The following ATP5MC2 variants were observed in gnomAD, a reference collection of about 807,000 sequenced individuals.
ATP5MC2 encodes the protein ATP synthase F(0) complex subunit C2, mitochondrial.
A neutral mutation model predicts 13.5 loss-of-function variants in ATP5MC2; 11 were observed. The observed-to-expected ratio is 0.81, with a 90% CI of 0.51 to 1.35. The LOEUF (loss-of-function observed/expected upper bound fraction) is 1.35, where lower values mean the gene tolerates loss of function less well. Ranked by LOEUF, ATP5MC2 falls within the 40% of genes most tolerant of loss-of-function variation. The pLI is 0.00. For missense variants in ATP5MC2, 132 were observed against 175.0 expected, an observed-to-expected ratio of 0.75 and a Z score of 1.39; for synonymous variants, 64 against 69.7, an observed-to-expected ratio of 0.92 and a Z score of 0.41.
upstream of ATP5MC2, among the ~76,000 whole-genome samples, chr12:53,681,301 G>C (rs1401245598): frequency 6.6e-6 from 1 of 151,600 alleles, no homozygotes; most frequent in African/African-American, 2.4e-5. Context: ...CAAGGCAGGA[G>C]GATCATTTGA....
At chr12:53,668,367 G>A (rs1488349825) in intron 4 of ATP5MC2, among the ~76,000 whole-genome samples, 1 of 150,036 alleles carries the variant, frequency 6.7e-6, no homozygotes, top group African/African-American at 2.5e-5. Flanking sequence ...CATGATCTCG[G>A]CTCACAGCTC....
chr12:53,672,100 A>AT (rs1198015539), intron 2 of ATP5MC2, among the ~76,000 whole-genome samples: 11 of 150,834 alleles, frequency 7.3e-5, no homozygotes, highest in African/African-American at 2.7e-4. Flanking sequence ...AAAAAAAAAA[A>AT]AAAAATTAAC....
chr12:53,671,611 T>G (rs1345420281), intron 2 of ATP5MC2, among the ~76,000 whole-genome samples: 1 of 152,238 alleles, frequency 6.6e-6, no homozygotes, highest in Admixed American at 6.5e-5. Flanking sequence ...GTCCAAGTTA[T>G]GTAATCTACT....
intron 1 of ATP5MC2, 64 bp downstream of exon 1, chr12:53,675,989 C>G: frequency 1.9e-6 from 3 of 1,583,598 alleles, no homozygotes; most frequent in Non-Finnish European, 2.6e-6. Context: ...AAAGCATCCG[C>G]GCAAGGTGAG....
At chr12:53,677,531 A>G (rs916123640), upstream of ATP5MC2, 1 of 152,176 alleles carries the variant, frequency 6.6e-6, no homozygotes, top group African/African-American at 2.4e-5. Flanking sequence ...CTCCATCTGC[A>G]TTTTTATGGC....
At chr12:53,669,393 G>T in intron 3 of ATP5MC2, 52 bp from the exon 4 acceptor site, 1 of 1,560,546 alleles carries the variant, frequency 6.4e-7, no homozygotes, top group South Asian at 1.2e-5. Context: ...GGTAACTTTT[G>T]TACCATTTAA....
intron 4 of ATP5MC2, among the ~76,000 whole-genome samples, chr12:53,667,956 C>CATACACATATATAT (rs1944971986): frequency 1.0e-4 from 7 of 67,366 alleles, no homozygotes; most frequent in African/African-American, 2.8e-4. Context: ...CATACACACA[C>CATACACATATATAT]ATATATATAT....
intron 1 of ATP5MC2, chr12:53,673,398 G>A (rs750351423): frequency 2.6e-5 from 4 of 152,580 alleles, no homozygotes; most frequent in Non-Finnish European, 5.9e-5. Flanking sequence ...TTTGTTGAAG[G>A]CCAAGACACT....
intron 4 of ATP5MC2, 123 bp downstream of exon 4, chr12:53,669,025 A>C (rs1945014058): frequency 7.4e-7 from 1 of 1,350,352 alleles, no homozygotes. Flanking sequence ...CAAAACAAAC[A>C]AACAAACAAA....
intron 4 of ATP5MC2, among the ~76,000 whole-genome samples, chr12:53,667,336 G>C (rs1411342734): frequency 6.6e-6 from 1 of 152,062 alleles, no homozygotes; most frequent in Non-Finnish European, 1.5e-5. Flanking sequence ...AATTCCCAGA[G>C]ATGGGAAAAA....
At chr12:53,671,752 C>G (rs1945098216) in intron 2 of ATP5MC2, among the ~76,000 whole-genome samples, 1 of 152,146 alleles carries the variant, frequency 6.6e-6, no homozygotes. Context: ...CTGGGCACAG[C>G]CAGGCACGGT....
upstream of ATP5MC2, chr12:53,677,538 T>C (rs970300396): frequency 6.6e-6 from 1 of 152,252 alleles, no homozygotes; most frequent in Non-Finnish European, 1.5e-5. Context: ...TGCATTTTTA[T>C]GGCCCTGAGC....
intron 2 of ATP5MC2, 150 bp downstream of exon 2, chr12:53,672,426 T>TG: frequency 1.2e-6 from 1 of 817,506 alleles, no homozygotes; most frequent in South Asian, 1.5e-5. Context: ...TTCGCCATGT[T>TG]GGCCAGGCTG....
At chr12:53,665,619 G>T (rs1397800828) in intron 4 of ATP5MC2, among the ~76,000 whole-genome samples, 191 bp from the exon 5 acceptor site, 1 of 152,140 alleles carries the variant, frequency 6.6e-6, no homozygotes, top group Non-Finnish European at 1.5e-5. Context: ...CTGAATGAAG[G>T]GGGAGCAGGC....
chr12:53,677,488 G>A (rs1191807794), upstream of ATP5MC2: 2 of 152,346 alleles, frequency 1.3e-5, no homozygotes, highest in African/African-American at 4.8e-5. Flanking sequence ...GGCGGCAGAG[G>A]GATTTATATG....
At position 53,672,631 on chromosome 12, in the gene ATP5MC2, G is replaced by C; in HGVS notation, c.-17C>G. 1 of 1,579,156 alleles carries C rather than the reference G, an allele frequency of 6.3e-7. No homozygotes were observed. The highest frequency in any genetic ancestry group is 8.6e-7 in the Non-Finnish European group (1 of 1,162,120). ...GGCGAACATTTTCAGGGGGTGAGGA[G>C]CTGTGGCAGGAGAGCTGGAATTACA... On this transcript the variant is annotated 5_prime_UTR_variant, in exon 2 of 5. Transcript: ENST00000394349.
At chr12:53,677,315 G>C (rs1945301972), upstream of ATP5MC2, 1 of 152,190 alleles carries the variant, frequency 6.6e-6, no homozygotes, top group Non-Finnish European at 1.5e-5. Flanking sequence ...CCGCAGACAG[G>C]CACACCCCGG....
chr12:53,672,153 T>C (rs1323468727), intron 2 of ATP5MC2, among the ~76,000 whole-genome samples: 3 of 150,160 alleles, frequency 2.0e-5, no homozygotes. Flanking sequence ...CTAGCAAGCA[T>C]TCACTCTATC....
chr12:53,672,150 G>A (rs1404008009), intron 2 of ATP5MC2, among the ~76,000 whole-genome samples: 1 of 149,136 alleles, frequency 6.7e-6, no homozygotes, highest in African/African-American at 2.5e-5. Context: ...TATCTAGCAA[G>A]CATTCACTCT....
Sources: allele counts gnomAD v4.1 joint callset (sites outside exome capture counted in the v4.1 genomes callset), GRCh38; gene constraint gnomAD v4.1.1; transcripts MANE v1.5; gene names NCBI Gene and HGNC (gene_info 2026-07-23, HGNC 2026-07-21).